Variants in ULK4 observed in about 807,000 individuals in gnomAD.
ULK4 encodes unc-51 like kinase 4, also known as inactive serine/threonine-protein kinase ULK4.
Under a neutral mutation model 160.6 loss-of-function variants are expected in ULK4, and 133 were observed. That is an observed-to-expected ratio of 0.83 (90% CI 0.72 to 0.96). The LOEUF (loss-of-function observed/expected upper bound fraction) is 0.96. Among genes scored for constraint, ULK4 ranks in the 40% least tolerant of loss-of-function variants. ULK4 has a pLI of 0.00. For synonymous variants in ULK4, 534 were observed against 539.8 expected, an observed-to-expected ratio of 0.99 and a Z score of 0.15; for missense variants, 1,580 against 1,499.5, an observed-to-expected ratio of 1.05 and a Z score of -0.89.
intron 35 of ULK4, among the ~76,000 whole-genome samples, chr3:41,250,606 T>C (rs1399245643): frequency 6.6e-6 from 1 of 152,220 alleles, no homozygotes; most frequent in Non-Finnish European, 1.5e-5. Flanking sequence ...GATTATTGTC[T>C]CCTTAGTTAA....
intron 29 of ULK4, among the ~76,000 whole-genome samples, chr3:41,672,838 C>T (rs9825024): frequency 0.015 from 2,351 of 151,992 alleles, 61 homozygotes; most frequent in African/African-American, 0.053. Flanking sequence ...ATCATATATC[C>T]AAAATTTTTA....
At chr3:41,426,715 C>G (rs1165550773) in intron 34 of ULK4, among the ~76,000 whole-genome samples, 5 of 151,902 alleles carry the variant, frequency 3.3e-5, no homozygotes, top group Non-Finnish European at 7.4e-5. Context: ...TCTTTCAAAC[C>G]AACGAGAACA....
At chr3:41,611,405 T>C (rs1172725039) in intron 31 of ULK4, among the ~76,000 whole-genome samples, 1 of 152,140 alleles carries the variant, frequency 6.6e-6, no homozygotes, top group African/African-American at 2.4e-5. Context: ...ACCAGGAAAC[T>C]TGAAGCTAGA....
At chr3:41,848,358 C>T (rs1311311383) in intron 17 of ULK4, among the ~76,000 whole-genome samples, 1 of 152,138 alleles carries the variant, frequency 6.6e-6, no homozygotes, top group Non-Finnish European at 1.5e-5. Flanking sequence ...TAGATGTCAA[C>T]AAATGTCAAC....
chr3:41,717,994 T>C (rs2037330692), intron 22 of ULK4, 133 bp from the exon 23 acceptor site: 5 of 1,061,666 alleles, frequency 4.7e-6, no homozygotes, highest in East Asian at 2.5e-5. Context: ...TTGTAGCAAC[T>C]TGTCGGGCAC....
intron 30 of ULK4, among the ~76,000 whole-genome samples, chr3:41,627,073 T>C (rs1343578281): frequency 2.0e-5 from 3 of 152,178 alleles, no homozygotes; most frequent in Non-Finnish European, 4.4e-5. Context: ...TTTCACACCA[T>C]TATTAACATT....
At chr3:41,544,246 A>G (rs565915056) in intron 32 of ULK4, among the ~76,000 whole-genome samples, 1 of 152,312 alleles carries the variant, frequency 6.6e-6, no homozygotes, top group East Asian at 1.9e-4. Flanking sequence ...TATAAAGTCT[A>G]TATTCCCTGT....
chr3:41,342,899 A>G (rs1230810465), intron 35 of ULK4, among the ~76,000 whole-genome samples: 1 of 152,250 alleles, frequency 6.6e-6, no homozygotes, highest in East Asian at 1.9e-4. Flanking sequence ...GATTCACCAC[A>G]TAAACAGAAC....
chr3:41,378,663 A>C lies in ULK4; in HGVS notation c.3678+19416T>G, dbSNP rs988958179. Among the ~76,000 whole-genome samples, 142 of 151,850 alleles carry C rather than the reference A, an allele frequency of 9.4e-4. 1 individual carries two copies. The highest frequency in any genetic ancestry group is 3.2e-3 in the African/African-American group (131 of 41,432). ...AGGGGAGCGGGGAGGGATAGCAGTA[A>C]AAGATATACCTAATGTAAATGACGA... On this transcript the variant is annotated intron_variant, in intron 35 of 36. Coordinates refer to ENST00000301831, the MANE Select transcript of ULK4 (RefSeq NM_017886.4).
At chr3:41,691,019 G>C (rs2036278485) in intron 27 of ULK4, among the ~76,000 whole-genome samples, 1 of 151,790 alleles carries the variant, frequency 6.6e-6, no homozygotes. Context: ...GCTAGGGAAA[G>C]GCAGTCTCCC....
At chr3:41,848,941 A>T (rs1204311031) in intron 17 of ULK4, among the ~76,000 whole-genome samples, 3 of 152,206 alleles carry the variant, frequency 2.0e-5, no homozygotes, top group African/African-American at 4.8e-5. Context: ...GGGCCATGTG[A>T]CTAGTTCTGG....
At chr3:41,353,710 ACTACT>A (rs1328451512) in intron 35 of ULK4, among the ~76,000 whole-genome samples, 7 of 129,596 alleles carry the variant, frequency 5.4e-5, no homozygotes, top group African/African-American at 1.9e-4. Context: ...TACTACTACT[ACTACT>A]ACTACTACTA....
intron 32 of ULK4, among the ~76,000 whole-genome samples, chr3:41,522,173 C>A (rs1328110335): frequency 6.8e-6 from 1 of 146,032 alleles, no homozygotes; most frequent in South Asian, 2.1e-4. Context: ...GTCACCCAGG[C>A]AGCAGTGCAG....
intron 2 of ULK4, among the ~76,000 whole-genome samples, chr3:41,950,604 G>T (rs1353495994): frequency 6.6e-6 from 1 of 151,788 alleles, no homozygotes; most frequent in African/African-American, 2.4e-5. Flanking sequence ...GCCCAGGCTG[G>T]TCTCAAACTC....
At chr3:41,511,357 C>A (rs1328423425) in intron 32 of ULK4, among the ~76,000 whole-genome samples, 1 of 151,766 alleles carries the variant, frequency 6.6e-6, no homozygotes, top group African/African-American at 2.4e-5. Flanking sequence ...AAAGCTGGTT[C>A]TTTGAAAAGA....
intron 32 of ULK4, among the ~76,000 whole-genome samples, chr3:41,481,752 G>A (rs1289962965): frequency 3.6e-4 from 53 of 148,330 alleles, no homozygotes; most frequent in African/African-American, 1.2e-3. Context: ...GCGTGAACCC[G>A]GGAGGCGGAG....
chr3:41,671,884 C>T (rs1279799770), intron 29 of ULK4, among the ~76,000 whole-genome samples: 1 of 151,776 alleles, frequency 6.6e-6, no homozygotes, highest in Non-Finnish European at 1.5e-5. Context: ...AAACCAACAA[C>T]AATAATAATA....
chr3:41,820,175 C>T (rs544665939), intron 18 of ULK4, among the ~76,000 whole-genome samples: 7 of 152,216 alleles, frequency 4.6e-5, no homozygotes, highest in South Asian at 2.1e-4. Context: ...GTTCTACTTA[C>T]GGAACATACT....
At chr3:41,510,399 C>G (rs1012561804) in intron 32 of ULK4, among the ~76,000 whole-genome samples, 1 of 152,044 alleles carries the variant, frequency 6.6e-6, no homozygotes, top group African/African-American at 2.4e-5. Flanking sequence ...TTTTAATACT[C>G]CACTAACAGC....
Sources: allele counts gnomAD v4.1 joint callset (sites outside exome capture counted in the v4.1 genomes callset), GRCh38; gene constraint gnomAD v4.1.1; transcripts MANE v1.5; gene names NCBI Gene and HGNC (gene_info 2026-07-23, HGNC 2026-07-21).